Variants in ARHGEF11 observed in about 807,000 individuals in gnomAD.
ARHGEF11 encodes Rho guanine exchange factor (GEF) 11.
Under a neutral mutation model 193.7 loss-of-function variants are expected in ARHGEF11, and 55 were observed. The observed-to-expected ratio is 0.28, with a 90% confidence interval of 0.23 to 0.36. ARHGEF11 has a LOEUF of 0.36. Among genes scored for constraint, ARHGEF11 ranks in the 10% least tolerant of loss-of-function variants. The pLI is 1.00. For missense variants in ARHGEF11, 1,723 were observed against 2,005.6 expected (o/e 0.86, Z 2.69); for synonymous variants, 693 against 768.0 (o/e 0.90, Z 1.62).
intron 30 of ARHGEF11, 143 bp from the exon 31 acceptor site, chr1:156,944,576 G>T: frequency 2.4e-6 from 2 of 841,184 alleles, no homozygotes; most frequent in Non-Finnish European, 1.9e-6. Flanking sequence ...TCTTGTGCGG[G>T]ATGAAGACAA....
intron 35 of ARHGEF11, among the ~76,000 whole-genome samples, chr1:156,940,816 G>A (rs796339667): frequency 3.9e-5 from 6 of 152,272 alleles, no homozygotes; most frequent in African/African-American, 1.4e-4. Flanking sequence ...CGTGAAGGAG[G>A]TGTGGCGTTA....
At chr1:157,010,991 G>C (rs1668474826) in intron 1 of ARHGEF11, among the ~76,000 whole-genome samples, 1 of 151,896 alleles carries the variant, frequency 6.6e-6, no homozygotes, top group African/African-American at 2.4e-5. Context: ...AATTTTTTTT[G>C]AAATTGAGAA....
At chr1:157,008,493 T>A (rs1668169226) in intron 1 of ARHGEF11, among the ~76,000 whole-genome samples, 1 of 152,026 alleles carries the variant, frequency 6.6e-6, no homozygotes, top group Non-Finnish European at 1.5e-5. Flanking sequence ...AAGAGGGCCC[T>A]CACCAGAATG....
chr1:157,041,593 T>G (rs550785460), intron 1 of ARHGEF11, among the ~76,000 whole-genome samples: 1 of 152,368 alleles, frequency 6.6e-6, no homozygotes, highest in South Asian at 2.1e-4. Context: ...TTGACCTTAT[T>G]TGACTACATT....
At chr1:156,978,595 C>A (rs1017165144) in intron 5 of ARHGEF11, among the ~76,000 whole-genome samples, 6 of 152,204 alleles carry the variant, frequency 3.9e-5, no homozygotes, top group Non-Finnish European at 7.3e-5. Flanking sequence ...GAGACCTCAA[C>A]TAGAATTCCA....
In ARHGEF11 at chr1:156,961,742, C is replaced by G. The variant is rs1244411778; in HGVS notation, c.1174G>C (p.Ala392Pro). ...FYLCAEVYQQ[A>P]SPKDSRSLGK... is the part of the protein sequence containing the mutation. ...AAGCTTCGGGAATCCTTGGGGCTTG[C>G]CTGCTGATAAACTTCTGCACACAGG... The change falls in exon 14 of 41, where the codon GCA (alanine) becomes CCA (proline). Residue 392 changes from alanine (A) to proline (P), a missense_variant. Transcript: ENST00000368194. The G allele has an allele frequency of 6.2e-7, 1 of 1,614,042 alleles. No homozygotes were observed. The highest frequency in any genetic ancestry group is 8.5e-7 in the Non-Finnish European group (1 of 1,180,034).
At chr1:156,938,589 GA>G in intron 37 of ARHGEF11, 76 bp from the exon 38 acceptor site, 1 of 1,444,232 alleles carries the variant, frequency 6.9e-7, no homozygotes, top group Non-Finnish European at 9.6e-7. Flanking sequence ...GAACAGGAAG[GA>G]GAGAGGGCAG....
chr1:156,976,980 T>C lies in ARHGEF11; in HGVS notation c.582+3A>G. On this transcript the variant is annotated splice_donor_region_variant and intron_variant, in intron 7 of 40. Transcript: ENST00000368194. ...GCCAGTCTACCCTTGGCAGTGACCTTACCTGTAATTCTTTTTCTTCCTGCC... is the reference window on the plus strand; with the variant it reads ...GCCAGTCTACCCTTGGCAGTGACCTCACCTGTAATTCTTTTTCTTCCTGCC... 3.7e-6 allele frequency: 6 copies of C among 1,613,944 alleles called. No homozygotes were observed. The highest frequency in any genetic ancestry group is 5.1e-6 in the Non-Finnish European group (6 of 1,179,802).
At chr1:156,999,641 T>C (rs1346730463) in intron 1 of ARHGEF11, among the ~76,000 whole-genome samples, 1 of 152,202 alleles carries the variant, frequency 6.6e-6, no homozygotes, top group Non-Finnish European at 1.5e-5. Flanking sequence ...GCATTGGTGA[T>C]ATCCACAAGA....
Position 156,956,575 on chromosome 1 carries a change from G to T in ARHGEF11, c.1527-11C>A. The T allele has an allele frequency of 3.1e-6, 5 of 1,614,080 alleles. No homozygotes were observed. The highest frequency in any genetic ancestry group is 4.2e-6 in the Non-Finnish European group (5 of 1,179,960). ...AAGTCCATGGGGGCGCTGTAAAAGA[G>T]GAACAGTGTCCTGAATCAGAGAGCT... is the stretch of plus-strand genomic sequence containing the variant. On this transcript the variant is annotated splice_polypyrimidine_tract_variant and intron_variant, in intron 18 of 40. Coordinates refer to ENST00000368194, the MANE Select transcript of ARHGEF11 (RefSeq NM_198236.3).
At chr1:156,963,844 GA>G in intron 11 of ARHGEF11, 1 of 1,158,470 alleles carries the variant, frequency 8.6e-7, no homozygotes, top group South Asian at 2.1e-5. Flanking sequence ...ATGAAGATGG[GA>G]AGTAGGAGAA....
intron 22 of ARHGEF11, among the ~76,000 whole-genome samples, chr1:156,951,369 C>T (rs1235979809): frequency 2.6e-5 from 4 of 151,758 alleles, no homozygotes; most frequent in Non-Finnish European, 4.4e-5. Flanking sequence ...GGCTGGAAGT[C>T]GGGGATCTGC....
At chr1:156,946,256 C>T in intron 28 of ARHGEF11, 94 bp from the exon 29 acceptor site, 1 of 969,518 alleles carries the variant, frequency 1.0e-6, no homozygotes, top group East Asian at 2.4e-5. Flanking sequence ...ACATGACAAA[C>T]AGGTCCTAAC....
intron 1 of ARHGEF11, among the ~76,000 whole-genome samples, chr1:157,016,836 G>C (rs1017154660): frequency 5.3e-5 from 8 of 151,468 alleles, no homozygotes; most frequent in African/African-American, 1.9e-4. Context: ...TTTTGAGAGA[G>C]AATCTTGCTT....
rs1321104960 is a variant in ARHGEF11, at chr1:156,948,155, G to A, written c.2153+26C>T. 1.9e-6 allele frequency: 3 copies of A among 1,545,742 alleles called. No individual in the cohort carries two copies. ...GGATGGGACACAGAGACACCAAACAGAGGCACCACCGTGCCCATCACTTAC... is the reference window on the plus strand; with the variant it reads ...GGATGGGACACAGAGACACCAAACAAAGGCACCACCGTGCCCATCACTTAC... On this transcript the variant is annotated intron_variant, in intron 24 of 40. Coordinates refer to ENST00000368194, the MANE Select transcript of ARHGEF11 (RefSeq NM_198236.3). The surrounding 1 kb of genome is among the most constrained non-coding windows in gnomAD (Gnocchi z 4.2).
chr1:156,976,243 T>G (rs1252142813), intron 7 of ARHGEF11, among the ~76,000 whole-genome samples: 2 of 152,110 alleles, frequency 1.3e-5, no homozygotes, highest in African/African-American at 2.4e-5. Flanking sequence ...CCCTCCCTCA[T>G]CTCTTTTGCC....
At chr1:156,951,826 A>C (rs1214297442) in intron 21 of ARHGEF11, 127 bp from the exon 22 acceptor site, 13 of 1,223,988 alleles carry the variant, frequency 1.1e-5, no homozygotes, top group Non-Finnish European at 1.5e-5. Flanking sequence ...CACTGGACCA[A>C]GAGTCAGGAG....
Position 156,971,939 on chromosome 1 carries a change from G to A in ARHGEF11, c.583-123C>T. On this transcript the variant is annotated intron_variant, in intron 7 of 40. Transcript: ENST00000368194. ...CCAAAACAAAGATGAGAGAGAAGAG[G>A]TCTCTGCCTCCAAGTAGATGCACGG... The A allele has an allele frequency of 2.5e-6, 3 of 1,199,392 alleles. No individual in the cohort carries two copies. In the South Asian group the frequency reaches 5.1e-5, roughly 20 times the overall value. The allele number at this position is 1,199,392 out of a possible 1,614,324, so 74.3% of individuals were successfully genotyped here.
upstream of ARHGEF11, among the ~76,000 whole-genome samples, chr1:157,046,588 G>GT (rs1415180550): frequency 6.6e-6 from 1 of 151,452 alleles, no homozygotes; most frequent in Non-Finnish European, 1.5e-5. Context: ...ACCCTTCGCT[G>GT]TTTCCTCTCG....
Sources: allele counts gnomAD v4.1 joint callset (sites outside exome capture counted in the v4.1 genomes callset), GRCh38; gene constraint gnomAD v4.1.1; non-coding constraint Gnocchi (gnomAD v3.1); transcripts MANE v1.5; gene names NCBI Gene and HGNC (gene_info 2026-07-23, HGNC 2026-07-21).